Variants in LRMDA observed in about 807,000 individuals in gnomAD.
LRMDA encodes leucine rich melanocyte differentiation associated, also known as leucine-rich melanocyte differentiation-associated protein.
In LRMDA, 18 loss-of-function variants were observed where a neutral mutation model predicts 29.8. The observed-to-expected ratio is 0.60, with a 90% CI of 0.42 to 0.90. LRMDA has a LOEUF of 0.90. Ranked by LOEUF, LRMDA falls within the 40% of genes least tolerant of loss-of-function variation. The probability of loss-of-function intolerance (pLI) is 0.00; values close to 1 mark genes in which losing one functional copy is unlikely to be tolerated. For synonymous variants in LRMDA, 125 were observed against 109.4 expected (o/e 1.14, Z -0.89); for missense variants, 273 against 273.9 (o/e 1.00, Z 0.02).
At chr10:75,563,889 A>C (rs999476934) in intron 2 of LRMDA, among the ~76,000 whole-genome samples, 1 of 151,274 alleles carries the variant, frequency 6.6e-6, no homozygotes, top group Non-Finnish European at 1.5e-5. Context: ...GTTCCTCTGG[A>C]AGTTTTGTCT....
rs1282727361 is a variant in LRMDA, at chr10:76,364,796, C to T, written c.601+40311C>T. 2.6e-5 allele frequency among the ~76,000 whole-genome samples: 4 copies of T among 151,356 alleles called. No homozygotes were observed. The South Asian group carries it at 6.3e-4, about 24-fold the overall frequency. On this transcript the variant is annotated intron_variant, in intron 6 of 6. Coordinates refer to ENST00000611255, the MANE Select transcript of LRMDA (RefSeq NM_001305581.2). ...GGTGATTTGTGAGATTTTGGTGCAC[C>T]CATCACCCATGTATACACTGCACCA...
chr10:75,741,814 C>CA (rs1396194347), intron 2 of LRMDA, among the ~76,000 whole-genome samples: 1 of 152,120 alleles, frequency 6.6e-6, no homozygotes, highest in Non-Finnish European at 1.5e-5. Context: ...TTATGTCCCC[C>CA]AAATTTCTGT....
chr10:76,358,631 C>G (rs1841271350), intron 6 of LRMDA, among the ~76,000 whole-genome samples: 1 of 152,142 alleles, frequency 6.6e-6, no homozygotes, highest in Admixed American at 6.5e-5. Context: ...TCTTTGGCCT[C>G]TATCAGAGGA....
chr10:75,456,541 T>C (rs931865382), intron 2 of LRMDA, among the ~76,000 whole-genome samples: 2 of 152,228 alleles, frequency 1.3e-5, no homozygotes, highest in Admixed American at 1.3e-4. Context: ...CATTGAAATG[T>C]ATGCTTTTCC....
intron 2 of LRMDA, among the ~76,000 whole-genome samples, chr10:75,986,567 C>CT (rs1373738123): frequency 1.7e-4 from 26 of 152,364 alleles, no homozygotes; most frequent in African/African-American, 6.0e-4. Context: ...TGGTGTACTT[C>CT]TTTCATGACA....
intron 4 of LRMDA, among the ~76,000 whole-genome samples, chr10:76,049,867 G>A (rs966437725): frequency 1.4e-4 from 21 of 152,220 alleles, no homozygotes; most frequent in African/African-American, 4.6e-4. Flanking sequence ...AAATTTATGT[G>A]ACGTTTTCAC....
chr10:76,333,917 A>G (rs1397704477), intron 6 of LRMDA, among the ~76,000 whole-genome samples: 1 of 152,200 alleles, frequency 6.6e-6, no homozygotes, highest in African/African-American at 2.4e-5. Flanking sequence ...GGTGTGTGGG[A>G]GGCTGTGGTC....
At chr10:75,475,432 A>T (rs935642550) in intron 2 of LRMDA, among the ~76,000 whole-genome samples, 1 of 152,098 alleles carries the variant, frequency 6.6e-6, no homozygotes. Context: ...TCCCTGCTCC[A>T]ATTTTCCTAA....
At chr10:76,085,337 A>G (rs551429135) in intron 5 of LRMDA, among the ~76,000 whole-genome samples, 23 of 152,324 alleles carry the variant, frequency 1.5e-4, no homozygotes, top group Admixed American at 2.6e-4. Context: ...GTAAATGCTG[A>G]AGGGGACCTG....
At chr10:75,772,988 T>C (rs1843264621) in intron 2 of LRMDA, among the ~76,000 whole-genome samples, 2 of 151,850 alleles carry the variant, frequency 1.3e-5, no homozygotes, top group African/African-American at 2.4e-5. Context: ...TTAAGAAAAA[T>C]ACAAAAGAAA....
At chr10:75,517,505 T>C (rs1845305201) in intron 2 of LRMDA, among the ~76,000 whole-genome samples, 1 of 152,194 alleles carries the variant, frequency 6.6e-6, no homozygotes, top group South Asian at 2.1e-4. Flanking sequence ...TCTGTTTGTC[T>C]GTTATTGCTA....
At chr10:75,431,845 C>A in intron 1 of LRMDA, 91 bp downstream of exon 1, 2 of 1,184,280 alleles carry the variant, frequency 1.7e-6, no homozygotes, top group Non-Finnish European at 2.1e-6. Context: ...CCTAGACACC[C>A]CTGTCCCCGC....
intron 5 of LRMDA, among the ~76,000 whole-genome samples, chr10:76,144,675 A>G (rs1274570695): frequency 1.3e-5 from 2 of 152,002 alleles, no homozygotes; most frequent in Non-Finnish European, 2.9e-5. Context: ...CTAATTGAAT[A>G]CCCTTTATTT....
intron 2 of LRMDA, among the ~76,000 whole-genome samples, chr10:75,525,016 C>T (rs1044641055): frequency 6.6e-6 from 1 of 152,162 alleles, no homozygotes; most frequent in Non-Finnish European, 1.5e-5. Context: ...ACCCAACATA[C>T]ATTTGCCAAA....
chr10:75,674,005 A>T (rs775553326), intron 2 of LRMDA, among the ~76,000 whole-genome samples: 1 of 152,252 alleles, frequency 6.6e-6, no homozygotes, highest in South Asian at 2.1e-4. Context: ...AAGTCTGGGG[A>T]TAAAGCAAAC....
chr10:75,470,502 A>G (rs971813917), intron 2 of LRMDA, among the ~76,000 whole-genome samples: 1 of 152,178 alleles, frequency 6.6e-6, no homozygotes, highest in Non-Finnish European at 1.5e-5. Flanking sequence ...GTCTCAAGAA[A>G]ACAAAGACCC....
At chr10:76,291,539 C>T (rs1269894975) in intron 5 of LRMDA, among the ~76,000 whole-genome samples, 1 of 152,136 alleles carries the variant, frequency 6.6e-6, no homozygotes, top group Non-Finnish European at 1.5e-5. Context: ...TGGGATGTGA[C>T]ATATAAGCTC....
At chr10:76,393,107 C>T (rs1841743014) in intron 6 of LRMDA, among the ~76,000 whole-genome samples, 2 of 152,122 alleles carry the variant, frequency 1.3e-5, no homozygotes, top group Admixed American at 6.6e-5. Context: ...TAGACTGATT[C>T]CATACTTTGG....
chr10:76,271,941 G>T (rs570041995), intron 5 of LRMDA, among the ~76,000 whole-genome samples: 70 of 152,248 alleles, frequency 4.6e-4, no homozygotes, highest in African/African-American at 1.6e-3. Context: ...GTGAACCTTT[G>T]TTCAGGGAGA....
Sources: allele counts gnomAD v4.1 joint callset (sites outside exome capture counted in the v4.1 genomes callset), GRCh38; gene constraint gnomAD v4.1.1; transcripts MANE v1.5; gene names NCBI Gene and HGNC (gene_info 2026-07-23, HGNC 2026-07-21).